CNTN2: variants seen among roughly 807,000 people sequenced by gnomAD.
The protein encoded by CNTN2 is contactin-2.
CNTN2 carries 53 observed loss-of-function variants against 117.5 expected under a neutral mutation model. The ratio of observed to expected loss-of-function variants is 0.45; its 90% CI spans 0.36 to 0.57. The LOEUF is 0.57. Among genes scored for constraint, CNTN2 ranks in the 20% least tolerant of loss-of-function variants. The pLI is 0.00. For missense variants in CNTN2, 1,106 were observed against 1,404.3 expected (o/e 0.79, Z 3.39); for synonymous variants, 530 against 561.7 (o/e 0.94, Z 0.80).
chr1:205,067,481 T>G, intron 16 of CNTN2: 1 of 432,508 alleles, frequency 2.3e-6, no homozygotes, highest in Non-Finnish European at 4.0e-6. Context: ...TACAACTGCA[T>G]GTGCATCTAT....
chr1:205,058,447 CG>C lies in CNTN2; in HGVS notation c.391+94del. 6.5e-7 allele frequency: 1 copy of C among 1,539,722 alleles called. No individual in the cohort carries two copies. The highest frequency in any genetic ancestry group is 1.4e-5 in the African/African-American group (1 of 73,500). On this transcript the variant is annotated intron_variant, in intron 4 of 22. Transcript: ENST00000331830. The surrounding 1 kb of genome is among the most constrained non-coding windows in gnomAD (Gnocchi z 4.3). ...GAAAGGATAAGGGACACCCTCAAGC[CG>C]GGCCTTCCTGACCTCACATGACATG...
At chr1:205,072,639 C>A (rs1438807123) in intron 21 of CNTN2, 44 bp downstream of exon 21, 1 of 1,428,938 alleles carries the variant, frequency 7.0e-7, no homozygotes, top group Non-Finnish European at 9.9e-7. Context: ...AGGAACAGCT[C>A]CTCTGTGTTT....
rs1654333456 is a variant in CNTN2, at chr1:205,067,124, G to A, written c.1999G>A (p.Ala667Thr). Reference protein sequence around the residue: ...RTNPANIEGNAETAQVLGLTP... With the variant: ...RTNPANIEGNTETAQVLGLTP... The stretch of plus-strand genomic sequence containing the variant: ...AGATCCTGCAAACATCGAGGGCAAT[G>A]CCGAGACTGCACAGGTGCTGGGCCT... Residue 667 changes from alanine (A) to threonine (T), a missense_variant, in exon 16 of 23, where the codon GCC becomes ACC. Ala to Thr is a moderately conservative substitution (Grantham distance 58, BLOSUM62 0). Coordinates refer to ENST00000331830, the MANE Select transcript of CNTN2 (RefSeq NM_005076.5). 2 of 1,612,654 alleles carry A rather than the reference G, an allele frequency of 1.2e-6. No individual in the cohort carries two copies. The highest frequency in any genetic ancestry group is 3.4e-5 in the Admixed American group (2 of 59,694).
intron 1 of CNTN2, among the ~76,000 whole-genome samples, chr1:205,049,545 G>A (rs2096448698): frequency 6.6e-6 from 1 of 152,154 alleles, no homozygotes; most frequent in Non-Finnish European, 1.5e-5. Flanking sequence ...GGGACTCCGG[G>A]TAGGAATCTG....
At position 205,077,038 on chromosome 1, in the gene CNTN2, T is replaced by C. The variant is rs550038673; in HGVS notation, c.*3273T>C. 5 of 152,184 alleles carry C rather than the reference T, an allele frequency of 3.3e-5. No individual in the cohort carries two copies. The highest frequency in any genetic ancestry group is 7.3e-5 in the Non-Finnish European group (5 of 68,046). The allele number at this position is 152,184 out of a possible 1,614,324, so 9.4% of individuals were successfully genotyped here. On this transcript the variant is annotated 3_prime_UTR_variant, in exon 23 of 23. Transcript: ENST00000331830. Reference sequence around the variant, plus strand: ...CTTTCTGAGGGAGCTTTGAGGAATTTTGACAGCTGTTGACATGGGATTTGG... The same window carrying C: ...CTTTCTGAGGGAGCTTTGAGGAATTCTGACAGCTGTTGACATGGGATTTGG...
In CNTN2 at chr1:205,072,101, G is replaced by A. The variant is rs760177280; in HGVS notation, c.2699G>A (p.Ser900Asn). 4 of 1,612,994 alleles carry A rather than the reference G, an allele frequency of 2.5e-6. No homozygotes were observed. Among genetic ancestry groups the A allele is most frequent in the Non-Finnish European group, 3.4e-6 (4 of 1,179,780 alleles). The stretch of plus-strand genomic sequence containing the variant: ...AACCGGGCTGGCACTGGGCCTGCCA[G>A]CCCTTCTGCCAACGCCACGACCATG... ...AYNRAGTGPA[S>N]PSANATTMKP... is the part of the protein sequence containing the mutation. The change falls in exon 20 of 23, where the codon AGC (serine) becomes AAC (asparagine). Residue 900 changes from serine (S) to asparagine (N), a missense_variant. Transcript: ENST00000331830.
rs182209374 is a variant in CNTN2, at chr1:205,050,073, C to G, written c.-86-3027C>G. ...CACTTTGCACATGAGAAAACTGAGG[C>G]TTCACAAGGGGCATTAACCTATCCC... On this transcript the variant is annotated intron_variant, in intron 1 of 22. Transcript: ENST00000331830. Among the ~76,000 whole-genome samples, 52 of 152,302 alleles carry G rather than the reference C, an allele frequency of 3.4e-4. 3 individuals are homozygous for G. In the East Asian group the frequency reaches 9.9e-3, roughly 29 times the overall value.
intron 16 of CNTN2, chr1:205,067,844 C>G (rs1654376683): frequency 7.0e-6 from 1 of 142,200 alleles, no homozygotes; most frequent in African/African-American, 2.6e-5. Context: ...AGGAGAATCG[C>G]TTGAACCCGG....
chr1:205,061,941 C>T lies in CNTN2; in HGVS notation c.1050C>T (p.Ala350=), dbSNP rs142610365. 1.5e-5 allele frequency: 24 copies of T among 1,609,944 alleles called. No homozygotes were observed. Among genetic ancestry groups the T allele is most frequent in the East Asian group, 2.2e-5 (1 of 44,794 alleles). The part of the protein sequence containing the change: ...IGSNLRWGCA[A]AGKPRPTVRW... ...CCAACCTGCGTTGGGGCTGTGCAGC[C>T]GCCGGCAAGCCCCGGCCTACAGTGC... Residue 350 remains alanine, a synonymous_variant, in exon 9 of 23, where the codon GCC becomes GCT. Transcript: ENST00000331830. The surrounding 1 kb of genome is among the most constrained non-coding windows in gnomAD (Gnocchi z 4.8).
chr1:205,064,433 T>C lies in CNTN2; in HGVS notation c.1352T>C (p.Leu451Pro). 1.2e-6 allele frequency: 2 copies of C among 1,612,220 alleles called. No homozygotes were observed. Among genetic ancestry groups the C allele is most frequent in the Non-Finnish European group, 1.7e-6 (2 of 1,178,514 alleles). ...QPRAAPKAVV[L>P]WSKGTEILVN... is the part of the protein sequence containing the mutation. ...CGGGCAGCTCCAAAGGCCGTGGTGCTCTGGAGCAAAGGCACGGAGATTTTG... is the reference window on the plus strand; with the variant it reads ...CGGGCAGCTCCAAAGGCCGTGGTGCCCTGGAGCAAAGGCACGGAGATTTTG... Residue 451 changes from leucine to proline, a missense_variant, in exon 11 of 23, where the codon CTC (leucine) becomes CCC (proline). Leu to Pro is a moderately conservative substitution (Grantham distance 98). Coordinates refer to ENST00000331830, the MANE Select transcript of CNTN2 (RefSeq NM_005076.5).
intron 10 of CNTN2, 21 bp from the exon 11 acceptor site, chr1:205,064,300 TG>T (rs765537928): frequency 6.5e-6 from 10 of 1,537,940 alleles, no homozygotes; most frequent in African/African-American, 1.4e-5. Context: ...CTTTTCTCTG[TG>T]GCTCTCCCCT....
chr1:205,065,202 C>T lies in CNTN2; in HGVS notation c.1635C>T (p.Thr545=). ...CCATGGACCTCACCTTCACCTGGAC[C>T]CTGGACGACTTCCCCATCGACTTTG... is the stretch of plus-strand genomic sequence containing the variant. ...DPTMDLTFTW[T]LDDFPIDFDK... The change falls in exon 13 of 23, where the codon ACC becomes ACT. Residue 545 remains threonine (T), a synonymous_variant. Coordinates refer to ENST00000331830, the MANE Select transcript of CNTN2 (RefSeq NM_005076.5). The surrounding 1 kb of genome is among the most constrained non-coding windows in gnomAD (Gnocchi z 4.1). 6.2e-7 allele frequency: 1 copy of T among 1,614,136 alleles called. No homozygotes were observed. The highest frequency in any genetic ancestry group is 8.5e-7 in the Non-Finnish European group (1 of 1,180,034).
At chr1:205,062,628 G>C (rs1038459326) in intron 10 of CNTN2, 59 bp downstream of exon 10, 2 of 1,560,434 alleles carry the variant, frequency 1.3e-6, no homozygotes. Flanking sequence ...GGCTTTCAGA[G>C]CTCTGAGTTT....
rs1654774410 is a variant in CNTN2, at chr1:205,074,701, C to T, written c.*936C>T. The T allele has an allele frequency of 2.5e-6, 1 of 399,088 alleles. No individual in the cohort carries two copies. The highest frequency in any genetic ancestry group is 4.4e-5 in the Admixed American group (1 of 22,724). 24.7% of individuals were successfully genotyped at this position (399,088 alleles called of 1,614,324 possible). ...CCACCTCTCCAGTGCTGCCTGCAGT[C>T]AGCTCGGCCTCCCCGACCTGCAGCC... On this transcript the variant is annotated 3_prime_UTR_variant, in exon 23 of 23. Transcript: ENST00000331830.
intron 1 of CNTN2, among the ~76,000 whole-genome samples, chr1:205,049,280 CG>C (rs776232586): frequency 0.19 from 22,898 of 120,688 alleles, 2,285 homozygotes; most frequent in East Asian, 0.54. Context: ...TCCTCACACC[CG>C]ACACACACAC....
At chr1:205,046,546 A>G (rs1306433546) in intron 1 of CNTN2, among the ~76,000 whole-genome samples, 1 of 152,144 alleles carries the variant, frequency 6.6e-6, no homozygotes, top group Non-Finnish European at 1.5e-5. Flanking sequence ...CCCAAATCCA[A>G]AGGAAACTAG....
intron 2 of CNTN2, among the ~76,000 whole-genome samples, chr1:205,055,916 C>A (rs1309414114): frequency 6.6e-6 from 1 of 152,150 alleles, no homozygotes; most frequent in Non-Finnish European, 1.5e-5. Flanking sequence ...ATTATGAATG[C>A]ATGGATTATA....
Position 205,073,836 on chromosome 1 carries a change from G to A in CNTN2, c.*71G>A. ...CGGACACAGCCAGCCCCTTCCTGCT[G>A]CCAAGGTGGCCTGACACTGTGCCAG... On this transcript the variant is annotated 3_prime_UTR_variant, in exon 23 of 23. Coordinates refer to ENST00000331830, the MANE Select transcript of CNTN2 (RefSeq NM_005076.5). The surrounding 1 kb of genome is among the most constrained non-coding windows in gnomAD (Gnocchi z 6.3). 1 of 1,282,604 alleles carries A rather than the reference G, an allele frequency of 7.8e-7. No homozygotes were observed. Among genetic ancestry groups the A allele is most frequent in the Non-Finnish European group, 1.1e-6 (1 of 899,114 alleles). The allele number at this position is 1,282,604 out of a possible 1,614,324, so 79.5% of individuals were successfully genotyped here.
Position 205,076,546 on chromosome 1 carries a change from G to A in CNTN2, c.*2781G>A, listed in dbSNP as rs1312397284. ...ATCTCCTCTCATACATCAAGCCCCAGAGGAGGCGGCAAGAGGAACAGCCAC... is the reference window on the plus strand; with the variant it reads ...ATCTCCTCTCATACATCAAGCCCCAAAGGAGGCGGCAAGAGGAACAGCCAC... On this transcript the variant is annotated 3_prime_UTR_variant, in exon 23 of 23. Transcript: ENST00000331830. 2 of 152,190 alleles carry A rather than the reference G, an allele frequency of 1.3e-5. No individual in the cohort carries two copies. Among genetic ancestry groups the A allele is most frequent in the African/African-American group, 2.4e-5 (1 of 41,448 alleles). 9.4% of individuals were successfully genotyped at this position (152,190 alleles called of 1,614,324 possible).
Sources: gnomAD v4.1 joint callset for allele counts (sites outside exome capture counted in the v4.1 genomes callset) on GRCh38, gnomAD v4.1.1 for gene constraint, Gnocchi (gnomAD v3.1) non-coding constraint, MANE v1.5 for transcripts, NCBI Gene and HGNC (gene_info 2026-07-23, HGNC 2026-07-21) for gene names.